RPRD1B: variants seen among roughly 807,000 people sequenced by gnomAD.
RPRD1B encodes regulation of nuclear pre-mRNA domain containing 1B.
A neutral mutation model predicts 41.5 loss-of-function variants in RPRD1B; 11 were observed. That is an observed-to-expected ratio of 0.27 (90% confidence interval 0.17 to 0.44). The LOEUF is 0.44. RPRD1B is among the 20% of genes least tolerant of loss of function. RPRD1B has a pLI of 1.00. For synonymous variants in RPRD1B, 158 were observed against 155.6 expected, an observed-to-expected ratio of 1.02 and a Z score of -0.12; for missense variants, 248 against 389.9, an observed-to-expected ratio of 0.64 and a Z score of 3.06.
intron 6 of RPRD1B, chr20:38,070,758 GAGAC>G: frequency 2.9e-6 from 1 of 344,330 alleles, no homozygotes; most frequent in Non-Finnish European, 3.3e-6. Context: ...TTTTTTTTTT[GAGAC>G]AGACTCTTGC....
chr20:38,065,204 A>C (rs191241270), intron 5 of RPRD1B, among the ~76,000 whole-genome samples: 5 of 152,320 alleles, frequency 3.3e-5, no homozygotes, highest in Non-Finnish European at 7.3e-5. Context: ...ATAGTTTAAG[A>C]GATAGAGTGC....
intron 3 of RPRD1B, among the ~76,000 whole-genome samples, chr20:38,049,049 G>T (rs963946317): frequency 1.3e-5 from 2 of 150,486 alleles, no homozygotes; most frequent in African/African-American, 4.9e-5. Context: ...TCCTGGGTTC[G>T]AGCCATTCTC....
chr20:38,036,941 A>G (rs536712317), intron 1 of RPRD1B, among the ~76,000 whole-genome samples: 1 of 152,324 alleles, frequency 6.6e-6, no homozygotes, highest in East Asian at 1.9e-4. Flanking sequence ...TTAAAAAAAG[A>G]TGCTCTTCCA....
intron 5 of RPRD1B, among the ~76,000 whole-genome samples, chr20:38,063,823 C>T (rs59788112): frequency 0.01 from 1,584 of 152,282 alleles, 26 homozygotes; most frequent in African/African-American, 0.036. Flanking sequence ...GGGTAGGTCC[C>T]CCGAAGCGAG....
intron 6 of RPRD1B, among the ~76,000 whole-genome samples, chr20:38,088,919 AGG>A (rs1459323755): frequency 1.3e-5 from 2 of 152,178 alleles, no homozygotes; most frequent in Admixed American, 6.5e-5. Context: ...AGGCTTTGCT[AGG>A]GCTAGGAGAA....
chr20:38,090,574 T>G lies in RPRD1B; in HGVS notation c.*699T>G. 1.0e-6 allele frequency: 1 copy of G among 985,734 alleles called. No individual in the cohort carries two copies. The highest frequency in any genetic ancestry group is 1.7e-5 in the African/African-American group (1 of 57,368). 61.1% of individuals were successfully genotyped at this position (985,734 alleles called of 1,614,324 possible). A position where few individuals can be genotyped will look rare whatever the true frequency, so the allele number is the denominator to read the frequency against. ...ATCACAAGCATGAATTAAAAGGAAT[T>G]TATTTGCTTCAAGTTCCTAGATACA... is the stretch of plus-strand genomic sequence containing the variant. On this transcript the variant is annotated 3_prime_UTR_variant, in exon 7 of 7. Transcript: ENST00000373433.
chr20:38,050,006 A>G (rs2074168796), intron 3 of RPRD1B, among the ~76,000 whole-genome samples: 2 of 152,064 alleles, frequency 1.3e-5, no homozygotes, highest in South Asian at 2.1e-4. Context: ...TACCGCTTTC[A>G]CTGTGTGATG....
At position 38,091,033 on chromosome 20, in the gene RPRD1B, C is replaced by T; in HGVS notation, c.*1158C>T. 1 of 985,692 alleles carries T rather than the reference C, an allele frequency of 1.0e-6. No homozygotes were observed. The highest frequency in any genetic ancestry group is 1.2e-6 in the Non-Finnish European group (1 of 829,864). The allele number at this position is 985,692 out of a possible 1,614,324, so 61.1% of individuals were successfully genotyped here. ...GGGGGTTTTAATTCTATTATCATGT[C>T]AGCTGACATTATGACTATATAATGT... On this transcript the variant is annotated 3_prime_UTR_variant, in exon 7 of 7. Transcript: ENST00000373433.
intron 5 of RPRD1B, chr20:38,065,825 A>G (rs1395656901): frequency 1.2e-5 from 4 of 334,148 alleles, no homozygotes; most frequent in South Asian, 1.0e-4. Flanking sequence ...AGGAACAGGC[A>G]TTTAGAAAGC....
At chr20:38,084,281 C>T (rs959773452) in intron 6 of RPRD1B, among the ~76,000 whole-genome samples, 9 of 152,116 alleles carry the variant, frequency 5.9e-5, no homozygotes, top group African/African-American at 1.9e-4. Context: ...TCGTAAACTG[C>T]TTCGTGCACG....
chr20:38,089,895 A>G lies in RPRD1B; in HGVS notation c.*20A>G. 6.2e-7 allele frequency: 1 copy of G among 1,608,100 alleles called. No individual in the cohort carries two copies. The highest frequency in any genetic ancestry group is 1.1e-5 in the South Asian group (1 of 90,778). On this transcript the variant is annotated 3_prime_UTR_variant, in exon 7 of 7. Transcript: ENST00000373433. ...GACTAGGATGGGTGTCATGTCCCAG[A>G]TTTCTGTTTGTACCAGCAGAAAGAA...
At position 38,089,865 on chromosome 20, in the gene RPRD1B, C is replaced by T; in HGVS notation, c.971C>T (p.Ser324Leu). 6.2e-7 allele frequency: 1 copy of T among 1,613,456 alleles called. No individual in the cohort carries two copies. The highest frequency in any genetic ancestry group is 8.5e-7 in the Non-Finnish European group (1 of 1,179,732). The change falls in exon 7 of 7, where the codon TCA becomes TTA. Residue 324 changes from serine to leucine, a missense_variant. By Grantham distance (145) the Ser-to-Leu change is moderately radical. This residue lies in a region of RPRD1B where 93 missense variants were observed against 167.2 expected (regional missense o/e 0.56). Coordinates refer to ENST00000373433, the MANE Select transcript of RPRD1B (RefSeq NM_021215.4). ...CTGCCCTCTGCTGGGGACCTGTTTT[C>T]AACTGACTAGGATGGGTGTCATGTC... ...APLPSAGDLF[S>L]TD
intron 5 of RPRD1B, among the ~76,000 whole-genome samples, chr20:38,061,421 A>G (rs1047922479): frequency 5.9e-5 from 9 of 151,894 alleles, no homozygotes; most frequent in Non-Finnish European, 1.0e-4. Flanking sequence ...CTATTTCTCT[A>G]CATGGACATG....
intron 6 of RPRD1B, among the ~76,000 whole-genome samples, chr20:38,079,317 T>C (rs2074492662): frequency 6.6e-6 from 1 of 152,106 alleles, no homozygotes; most frequent in Non-Finnish European, 1.5e-5. Context: ...CATGGGTACA[T>C]TGTGTGTCAC....
chr20:38,064,547 A>G (rs1160804588), intron 5 of RPRD1B, among the ~76,000 whole-genome samples: 2 of 152,308 alleles, frequency 1.3e-5, no homozygotes, highest in East Asian at 3.9e-4. Flanking sequence ...TGAGTTATAC[A>G]TATTTAAAAT....
intron 6 of RPRD1B, among the ~76,000 whole-genome samples, chr20:38,079,770 TC>T (rs1252040912): frequency 6.6e-6 from 1 of 152,200 alleles, no homozygotes; most frequent in Non-Finnish European, 1.5e-5. Flanking sequence ...GAATGGTTGT[TC>T]TGTTTTAAGT....
chr20:38,033,889 C>G lies in RPRD1B; in HGVS notation c.-59C>G. 6.6e-7 allele frequency: 1 copy of G among 1,512,466 alleles called. No individual in the cohort carries two copies. Among genetic ancestry groups the G allele is most frequent in the Non-Finnish European group, 8.9e-7 (1 of 1,128,268 alleles). The allele number at this position is 1,512,466 out of a possible 1,614,324, so 93.7% of individuals were successfully genotyped here. Reference sequence around the variant, plus strand: ...GTGAGGCCCCGGCCTCGTGCCGTCGCTCTTCCCGCCGCACTGGGCGGCCCA... The same window carrying G: ...GTGAGGCCCCGGCCTCGTGCCGTCGGTCTTCCCGCCGCACTGGGCGGCCCA... On this transcript the variant is annotated 5_prime_UTR_variant, in exon 1 of 7. Transcript: ENST00000373433.
At position 38,092,035 on chromosome 20, in the gene RPRD1B, T is replaced by G. The variant is rs1267704995; in HGVS notation, c.*2160T>G. On this transcript the variant is annotated 3_prime_UTR_variant, in exon 7 of 7. Transcript: ENST00000373433. ...TGTCCACATCCTCCCAAAGTGTGCTTACTTCATTTGTTTAATTTAAATGAA... is the reference window on the plus strand; with the variant it reads ...TGTCCACATCCTCCCAAAGTGTGCTGACTTCATTTGTTTAATTTAAATGAA... 1.0e-6 allele frequency: 1 copy of G among 985,750 alleles called. No homozygotes were observed. Among genetic ancestry groups the G allele is most frequent in the African/African-American group, 1.7e-5 (1 of 57,242 alleles). 61.1% of individuals were successfully genotyped at this position (985,750 alleles called of 1,614,324 possible). A position where few individuals can be genotyped will look rare whatever the true frequency, so the allele number is the denominator to read the frequency against.
Position 38,092,166 on chromosome 20 carries a change from T to C in RPRD1B, c.*2291T>C. 1 of 985,816 alleles carries C rather than the reference T, an allele frequency of 1.0e-6. No homozygotes were observed. Among genetic ancestry groups the C allele is most frequent in the Non-Finnish European group, 1.2e-6 (1 of 829,914 alleles). The allele number at this position is 985,816 out of a possible 1,614,324, so 61.1% of individuals were successfully genotyped here. ...TCTGTAGGCCTCAAAGGACCTTTCC[T>C]TTAGGTCATATTCCTCAGAAAGTCT... On this transcript the variant is annotated 3_prime_UTR_variant, in exon 7 of 7. Transcript: ENST00000373433.
Sources: allele counts gnomAD v4.1 joint callset (sites outside exome capture counted in the v4.1 genomes callset), GRCh38; gene constraint gnomAD v4.1.1; regional missense constraint gnomAD v4.1.1; transcripts MANE v1.5; gene names NCBI Gene and HGNC (gene_info 2026-07-23, HGNC 2026-07-21).